The following FHIP1A variants were observed in gnomAD, a reference collection of about 807,000 sequenced individuals.
FHIP1A encodes the protein FHF complex subunit HOOK-interacting protein 1A.
Under a neutral mutation model 88.6 loss-of-function variants are expected in FHIP1A, and 61 were observed. The observed-to-expected ratio is 0.69, with a 90% CI of 0.56 to 0.85. The LOEUF (loss-of-function observed/expected upper bound fraction) is 0.85, where lower values mean the gene tolerates loss of function less well. FHIP1A is among the 40% of genes least tolerant of loss of function. The pLI, the probability that FHIP1A is intolerant of heterozygous loss-of-function variation, is 0.00. For synonymous variants in FHIP1A, 478 were observed against 496.0 expected, an observed-to-expected ratio of 0.96 and a Z score of 0.48; for missense variants, 1,154 against 1,273.5, an observed-to-expected ratio of 0.91 and a Z score of 1.43.
At chr4:151,421,582 A>G (rs1370756559) in intron 1 of FHIP1A, among the ~76,000 whole-genome samples, 2 of 152,184 alleles carry the variant, frequency 1.3e-5, no homozygotes, top group Non-Finnish European at 2.9e-5. Context: ...TTGGCTATAT[A>G]TCCCAATACA....
intron 3 of FHIP1A, among the ~76,000 whole-genome samples, chr4:151,542,864 C>G (rs1347246974): frequency 6.6e-6 from 1 of 152,200 alleles, no homozygotes; most frequent in Non-Finnish European, 1.5e-5. Context: ...GGCAACCTCT[C>G]TGTGCCTTAG....
chr4:151,611,266 G>A (rs1199425975), intron 7 of FHIP1A, among the ~76,000 whole-genome samples: 1 of 152,096 alleles, frequency 6.6e-6, no homozygotes, highest in East Asian at 1.9e-4. Context: ...GCTGTTGCTT[G>A]GTACCCAGTA....
chr4:151,627,302 A>T (rs1372745764), intron 7 of FHIP1A, among the ~76,000 whole-genome samples: 1 of 152,258 alleles, frequency 6.6e-6, no homozygotes, highest in Non-Finnish European at 1.5e-5. Context: ...GCCTAACAGT[A>T]GTAAACAATA....
At position 151,420,633 on chromosome 4, in the gene FHIP1A, T is replaced by C. The variant is rs142150636; in HGVS notation, c.-356+11168T>C. Among the ~76,000 whole-genome samples the C allele has an allele frequency of 9.6e-3, 1,467 of 152,356 alleles. 23 individuals carry two copies. Among genetic ancestry groups the C allele is most frequent in the African/African-American group, 0.032 (1,345 of 41,572 alleles). ...AGTCATTTGCTGCCATCCAGTGTTATCTTTTATACATTTGTCCTTCTTCCC... is the reference window on the plus strand; with the variant it reads ...AGTCATTTGCTGCCATCCAGTGTTACCTTTTATACATTTGTCCTTCTTCCC... On this transcript the variant is annotated intron_variant, in intron 1 of 13. Coordinates refer to ENST00000435205, the MANE Select transcript of FHIP1A (RefSeq NM_001109977.3).
chr4:151,604,238 A>C (rs1734982385), intron 7 of FHIP1A, among the ~76,000 whole-genome samples: 1 of 150,830 alleles, frequency 6.6e-6, no homozygotes, highest in South Asian at 2.1e-4. Flanking sequence ...TCTGTTCCCT[A>C]GAGTTGGCAG....
chr4:151,586,341 T>G (rs1266837307), intron 5 of FHIP1A, among the ~76,000 whole-genome samples: 4 of 152,156 alleles, frequency 2.6e-5, no homozygotes, highest in Admixed American at 2.0e-4. Flanking sequence ...TTGCGTGTAC[T>G]CCTCCTACAC....
intron 3 of FHIP1A, among the ~76,000 whole-genome samples, chr4:151,507,775 A>C (rs538409293): frequency 6.6e-6 from 1 of 152,224 alleles, no homozygotes; most frequent in Non-Finnish European, 1.5e-5. Flanking sequence ...TGAGAACCAC[A>C]GTTCTGTCCT....
rs1365824294 is a variant in FHIP1A, at chr4:151,649,444, C to T, written c.1418-15C>T. On this transcript the variant is annotated splice_polypyrimidine_tract_variant and intron_variant, in intron 10 of 13. Coordinates refer to ENST00000435205, the MANE Select transcript of FHIP1A (RefSeq NM_001109977.3). ...ACACCTCCCTTGTTCTAACCAGCCT[C>T]TGCCTCCTGTGCAGGGCCTGTGGAG... The T allele has an allele frequency of 1.4e-5, 21 of 1,531,636 alleles. No individual in the cohort carries two copies. The highest frequency in any genetic ancestry group is 2.6e-6 in the Non-Finnish European group (3 of 1,135,844). 94.9% of individuals were successfully genotyped at this position (1,531,636 alleles called of 1,614,324 possible). A position where few individuals can be genotyped will look rare whatever the true frequency, so the allele number is the denominator to read the frequency against.
At chr4:151,550,416 A>G (rs1231998277) in intron 3 of FHIP1A, among the ~76,000 whole-genome samples, 2 of 152,164 alleles carry the variant, frequency 1.3e-5, no homozygotes, top group Non-Finnish European at 2.9e-5. Flanking sequence ...CAAATTACCT[A>G]GTAGCCTCGC....
intron 3 of FHIP1A, among the ~76,000 whole-genome samples, chr4:151,517,714 G>C (rs28505227): frequency 6.6e-6 from 1 of 151,992 alleles, no homozygotes; most frequent in Non-Finnish European, 1.5e-5. Flanking sequence ...TTCTAGTGAT[G>C]TTCTGATGAT....
chr4:151,507,173 T>C (rs978214632), intron 3 of FHIP1A, among the ~76,000 whole-genome samples: 4 of 152,078 alleles, frequency 2.6e-5, no homozygotes. Context: ...ACCCAGGACA[T>C]AGTGCAGTGG....
rs1737494329 is a variant in FHIP1A at position 151,662,432 on chromosome 4, TG to T, written c.2870-68del. 1.0e-5 allele frequency: 15 copies of T among 1,437,078 alleles called. No homozygotes were observed. The East Asian group carries it at 3.8e-4, about 36-fold the overall frequency. 89.0% of individuals were successfully genotyped at this position (1,437,078 alleles called of 1,614,324 possible). On this transcript the variant is annotated intron_variant, in intron 13 of 13. Transcript: ENST00000435205. ...TCCAGCAACTCTGCCCCCAAACACA[TG>T]CTTCACTGAAGAGGGTGGATTAGAA...
intron 1 of FHIP1A, among the ~76,000 whole-genome samples, chr4:151,443,774 G>A (rs779471352): frequency 2.0e-5 from 3 of 148,530 alleles, no homozygotes; most frequent in African/African-American, 7.4e-5. Flanking sequence ...CCAAAATGCC[G>A]TGAGGAAGTA....
At chr4:151,448,555 C>T (rs751240238) in intron 1 of FHIP1A, among the ~76,000 whole-genome samples, 1 of 152,170 alleles carries the variant, frequency 6.6e-6, no homozygotes, top group African/African-American at 2.4e-5. Context: ...TAGAATCATA[C>T]AGTATTTGTC....
At chr4:151,595,609 A>G (rs1157997779) in intron 7 of FHIP1A, among the ~76,000 whole-genome samples, 2 of 152,078 alleles carry the variant, frequency 1.3e-5, no homozygotes, top group African/African-American at 4.8e-5. Flanking sequence ...TGATCTGTCT[A>G]ATATTGACAG....
intron 3 of FHIP1A, among the ~76,000 whole-genome samples, chr4:151,499,902 G>A (rs1388782383): frequency 1.3e-5 from 2 of 152,196 alleles, no homozygotes; most frequent in Non-Finnish European, 2.9e-5. Flanking sequence ...ATGAAATGTG[G>A]AGATTATGGG....
At chr4:151,520,657 A>G (rs905557980) in intron 3 of FHIP1A, among the ~76,000 whole-genome samples, 4 of 152,212 alleles carry the variant, frequency 2.6e-5, no homozygotes, top group African/African-American at 7.2e-5. Context: ...TTTACATAAT[A>G]TATTCTAATT....
Position 151,656,291 on chromosome 4 carries a change from G to A in FHIP1A, c.2611G>A (p.Val871Ile). Reference protein sequence around the residue: ...LENMLENSLHVNLLLIGIITQ... With the variant: ...LENMLENSLHINLLLIGIITQ... ...GAACATGCTGGAGAACTCTTTACAT[G>A]TTAATTTGCTGCTTATCGGGATCAT... Residue 871 changes from valine to isoleucine, a missense_variant, in exon 12 of 14, where the codon GTT (valine) becomes ATT (isoleucine). Transcript: ENST00000435205. This position sits in a 1 kb window ranked among gnomAD's most constrained non-coding sequence, Gnocchi z 4.2. The A allele has an allele frequency of 2.6e-6, 4 of 1,551,634 alleles. No individual in the cohort carries two copies. The highest frequency in any genetic ancestry group is 1.2e-5 in the South Asian group (1 of 84,046).
intron 2 of FHIP1A, among the ~76,000 whole-genome samples, chr4:151,458,686 A>T (rs927384883): frequency 2.0e-5 from 3 of 152,170 alleles, no homozygotes; most frequent in Admixed American, 2.0e-4. Context: ...TAGAATAAAT[A>T]ACTAAAATGT....
Sources: allele counts gnomAD v4.1 joint callset (sites outside exome capture counted in the v4.1 genomes callset), GRCh38; gene constraint gnomAD v4.1.1; non-coding constraint Gnocchi (gnomAD v3.1); transcripts MANE v1.5; gene names NCBI Gene and HGNC (gene_info 2026-07-23, HGNC 2026-07-21).